The following GPM6A variants were observed in gnomAD, a reference collection of about 807,000 sequenced individuals.
GPM6A encodes the protein neuronal membrane glycoprotein M6-a.
In GPM6A, 7 loss-of-function variants were observed where a neutral mutation model predicts 32.1. The observed-to-expected ratio is 0.22, with a 90% CI of 0.12 to 0.41. GPM6A has a LOEUF of 0.41. Among genes scored for constraint, GPM6A ranks in the 10% least tolerant of loss-of-function variants. GPM6A has a pLI of 1.00. For missense variants in GPM6A, 235 were observed against 347.2 expected, an observed-to-expected ratio of 0.68 and a Z score of 2.57; for synonymous variants, 130 against 123.4, an observed-to-expected ratio of 1.05 and a Z score of -0.35.
intron 1 of GPM6A, among the ~76,000 whole-genome samples, chr4:175,712,715 T>C (rs1349890073): frequency 6.6e-6 from 1 of 152,240 alleles, no homozygotes; most frequent in Non-Finnish European, 1.5e-5. Flanking sequence ...TCCTTTTTTC[T>C]ATGCCTATGC....
chr4:175,741,775 T>A (rs898793056), intron 1 of GPM6A, among the ~76,000 whole-genome samples: 1 of 152,162 alleles, frequency 6.6e-6, no homozygotes, highest in African/African-American at 2.4e-5. Flanking sequence ...GGCGCTATTA[T>A]ATTCCATAAT....
intron 3 of GPM6A, among the ~76,000 whole-genome samples, chr4:175,658,747 A>G (rs1243277569): frequency 2.0e-5 from 3 of 152,198 alleles, no homozygotes. Context: ...TCTAAAATAT[A>G]AAATCTATTT....
At chr4:175,821,329 T>C (rs1490163446) in intron 1 of GPM6A, among the ~76,000 whole-genome samples, 3 of 152,184 alleles carry the variant, frequency 2.0e-5, no homozygotes, top group Non-Finnish European at 4.4e-5. Context: ...CCCACAGTAT[T>C]GTTTGCTTTT....
chr4:175,870,564 GCT>G (rs1200396564), intron 1 of GPM6A, among the ~76,000 whole-genome samples: 11 of 151,974 alleles, frequency 7.2e-5, no homozygotes, highest in Non-Finnish European at 1.5e-5. Flanking sequence ...AAATCTCATG[GCT>G]CTCCTTATGG....
At chr4:175,828,779 A>G (rs1735514887) in intron 1 of GPM6A, among the ~76,000 whole-genome samples, 1 of 152,162 alleles carries the variant, frequency 6.6e-6, no homozygotes, top group South Asian at 2.1e-4. Context: ...TGATTTAGAA[A>G]TTCACATTTG....
At chr4:175,922,022 C>T (rs1738684465) in intron 1 of GPM6A, among the ~76,000 whole-genome samples, 1 of 152,128 alleles carries the variant, frequency 6.6e-6, no homozygotes, top group Admixed American at 6.6e-5. Context: ...GAACACAAGC[C>T]TTGAAGACCA....
At chr4:175,928,295 G>T (rs753189753) in intron 1 of GPM6A, among the ~76,000 whole-genome samples, 3 of 152,122 alleles carry the variant, frequency 2.0e-5, no homozygotes, top group Non-Finnish European at 4.4e-5. Context: ...TGCAATAAAT[G>T]GAATGAAATA....
chr4:175,762,528 A>C (rs933246080), intron 1 of GPM6A, among the ~76,000 whole-genome samples: 5 of 152,222 alleles, frequency 3.3e-5, no homozygotes, highest in Middle Eastern at 3.4e-3. Context: ...ATGTATTTAA[A>C]CTCTGACTGA....
At chr4:175,678,136 A>G (rs931133449) in intron 2 of GPM6A, among the ~76,000 whole-genome samples, 1 of 152,196 alleles carries the variant, frequency 6.6e-6, no homozygotes, top group East Asian at 1.9e-4. Context: ...ACACTCACAC[A>G]TATGACTTCA....
At chr4:175,714,606 T>A (rs909447921) in intron 1 of GPM6A, among the ~76,000 whole-genome samples, 2 of 152,268 alleles carry the variant, frequency 1.3e-5, no homozygotes, top group Admixed American at 1.3e-4. Flanking sequence ...ATGAAAGAGC[T>A]ATAATTATAG....
chr4:175,733,888 A>C (rs1731539400), intron 1 of GPM6A, among the ~76,000 whole-genome samples: 1 of 152,166 alleles, frequency 6.6e-6, no homozygotes, highest in Admixed American at 6.5e-5. Context: ...TAGTTTATTT[A>C]GAAAATTAAA....
intron 1 of GPM6A, among the ~76,000 whole-genome samples, chr4:175,711,251 TTCAC>T (rs1488328385): frequency 6.6e-6 from 1 of 151,290 alleles, no homozygotes; most frequent in Non-Finnish European, 1.5e-5. Flanking sequence ...CTACTGGTAA[TTCAC>T]TCTTAATTAG....
intron 3 of GPM6A, among the ~76,000 whole-genome samples, chr4:175,673,253 CTTAAA>C (rs906469607): frequency 6.6e-6 from 1 of 151,836 alleles, no homozygotes; most frequent in Non-Finnish European, 1.5e-5. Flanking sequence ...TAATAGAATT[CTTAAA>C]TTAATAGAAA....
intron 1 of GPM6A, among the ~76,000 whole-genome samples, chr4:175,971,668 A>T (rs1740506243): frequency 6.6e-6 from 1 of 152,200 alleles, no homozygotes; most frequent in Non-Finnish European, 1.5e-5. Context: ...GTGAATAGAG[A>T]GATGGTAGAA....
At chr4:175,914,046 C>T (rs1010907850) in intron 1 of GPM6A, among the ~76,000 whole-genome samples, 1 of 151,826 alleles carries the variant, frequency 6.6e-6, no homozygotes. Context: ...CACAGAGACA[C>T]AAGTCACCAT....
At chr4:175,867,698 G>GT (rs1279385291) in intron 1 of GPM6A, among the ~76,000 whole-genome samples, 3 of 152,134 alleles carry the variant, frequency 2.0e-5, no homozygotes, top group Admixed American at 6.6e-5. Flanking sequence ...TTGCATTGTA[G>GT]TAAGTGTTGA....
At chr4:175,662,593 G>T (rs1742492418) in intron 3 of GPM6A, among the ~76,000 whole-genome samples, 1 of 151,630 alleles carries the variant, frequency 6.6e-6, no homozygotes, top group Non-Finnish European at 1.5e-5. Context: ...GAAGGAGACT[G>T]TCTCAAAAAA....
chr4:175,679,674 C>A (rs1440046391), intron 2 of GPM6A, among the ~76,000 whole-genome samples: 1 of 152,154 alleles, frequency 6.6e-6, no homozygotes, highest in Non-Finnish European at 1.5e-5. Context: ...GAAGAGCCCA[C>A]CCTTTTCCCC....
chr4:175,913,879 A>AT (rs1296002229), intron 1 of GPM6A, among the ~76,000 whole-genome samples: 2 of 152,214 alleles, frequency 1.3e-5, no homozygotes, highest in Non-Finnish European at 2.9e-5. Context: ...GTAACAGAAT[A>AT]TAAAAAACCC....
Sources: allele counts gnomAD v4.1 joint callset (sites outside exome capture counted in the v4.1 genomes callset), GRCh38; gene constraint gnomAD v4.1.1; transcripts MANE v1.5; gene names NCBI Gene and HGNC (gene_info 2026-07-23, HGNC 2026-07-21).